Variants in SNX29 observed in about 807,000 individuals in gnomAD.
SNX29 encodes sorting nexin-29.
SNX29 carries 78 observed loss-of-function variants against 102.1 expected under a neutral mutation model. That is an observed-to-expected ratio of 0.76 (90% CI 0.64 to 0.92). SNX29 has a LOEUF of 0.92. Ranked by LOEUF, SNX29 falls within the 40% of genes least tolerant of loss-of-function variation. The probability of loss-of-function intolerance (pLI) is 0.00; values close to 1 mark genes in which losing one functional copy is unlikely to be tolerated. For missense variants in SNX29, 1,280 were observed against 1,061.7 expected, an observed-to-expected ratio of 1.21 and a Z score of -2.86; for synonymous variants, 580 against 414.5, an observed-to-expected ratio of 1.40 and a Z score of -4.85.
intron 7 of SNX29, among the ~76,000 whole-genome samples, chr16:12,051,188 G>C (rs1348768410): frequency 6.6e-6 from 1 of 152,088 alleles, no homozygotes; most frequent in Non-Finnish European, 1.5e-5. Context: ...AATTAGCTGG[G>C]TGTTGTGGCA....
At chr16:11,977,138 A>C (rs944567507) in intron 1 of SNX29, 9 of 323,806 alleles carry the variant, frequency 2.8e-5, no homozygotes, top group Admixed American at 4.9e-5. Flanking sequence ...GAGACCTCCC[A>C]GGTCTCAGTC....
intron 4 of SNX29, among the ~76,000 whole-genome samples, chr16:12,037,998 AAAAC>A (rs1211620250): frequency 2.7e-5 from 4 of 150,196 alleles, no homozygotes; most frequent in East Asian, 3.9e-4. Flanking sequence ...CAAAACAAAA[AAAAC>A]CCCAAACAAG....
At chr16:12,280,130 A>G (rs910430800) in intron 15 of SNX29, among the ~76,000 whole-genome samples, 1 of 152,130 alleles carries the variant, frequency 6.6e-6, no homozygotes, top group South Asian at 2.1e-4. Context: ...GGGTGGTTGG[A>G]TGATTTATTT....
chr16:12,395,527 A>G (rs76628008), intron 16 of SNX29, among the ~76,000 whole-genome samples: 1,675 of 152,308 alleles, frequency 0.011, 40 homozygotes, highest in African/African-American at 0.038. Flanking sequence ...CTTTCCTTGC[A>G]CCTGAAGACT....
At chr16:12,046,101 C>G (rs564062861) in intron 5 of SNX29, among the ~76,000 whole-genome samples, 3 of 152,328 alleles carry the variant, frequency 2.0e-5, no homozygotes, top group East Asian at 3.9e-4. Context: ...TGACAGCTCC[C>G]TTCTACTTTG....
chr16:12,049,843 C>T (rs1596695701), intron 7 of SNX29, among the ~76,000 whole-genome samples: 2 of 152,128 alleles, frequency 1.3e-5, no homozygotes, highest in East Asian at 3.9e-4. Flanking sequence ...TCTTGAACTC[C>T]TGGCCTCAAG....
chr16:11,997,979 A>G (rs2056149879), intron 1 of SNX29, among the ~76,000 whole-genome samples: 2 of 152,224 alleles, frequency 1.3e-5, no homozygotes, highest in Non-Finnish European at 2.9e-5. Context: ...GTGAATGTGA[A>G]GATGAAGGGA....
chr16:12,546,842 G>C (rs905033207), intron 20 of SNX29, among the ~76,000 whole-genome samples: 1 of 152,198 alleles, frequency 6.6e-6, no homozygotes, highest in African/African-American at 2.4e-5. Context: ...AAGGGATTAA[G>C]ATTATACAGT....
At chr16:12,541,433 C>T (rs571986990) in intron 20 of SNX29, among the ~76,000 whole-genome samples, 5 of 152,280 alleles carry the variant, frequency 3.3e-5, no homozygotes, top group South Asian at 2.1e-4. Flanking sequence ...GGAAGGTCAT[C>T]AATGTCTCAA....
intron 18 of SNX29, among the ~76,000 whole-genome samples, chr16:12,411,369 T>C (rs2084392061): frequency 1.3e-5 from 2 of 152,216 alleles, no homozygotes; most frequent in South Asian, 2.1e-4. Context: ...TTGAGAGCTT[T>C]CCACCCCGGC....
chr16:12,282,618 T>C (rs1184901314), intron 15 of SNX29, among the ~76,000 whole-genome samples: 5 of 152,176 alleles, frequency 3.3e-5, no homozygotes, highest in Non-Finnish European at 7.4e-5. Flanking sequence ...GAACCTCAGA[T>C]TGGGAGTGAA....
Position 12,054,920 on chromosome 16 carries a change from G to A in SNX29, c.1124+2698G>A, listed in dbSNP as rs182250444. ...TTTGTTTTTGCTTTTTGTTATCAGC[G>A]GATCTCAAATGAATATTTTCACACG... On this transcript the variant is annotated intron_variant, in intron 8 of 20. Coordinates refer to ENST00000566228, the MANE Select transcript of SNX29 (RefSeq NM_032167.5). Among the ~76,000 whole-genome samples the A allele has an allele frequency of 3.3e-5, 5 of 152,202 alleles. No homozygotes were observed. In the East Asian group the frequency reaches 5.8e-4, roughly 18 times the overall value.
chr16:12,410,126 C>G (rs1318821191), intron 18 of SNX29, among the ~76,000 whole-genome samples: 1 of 151,936 alleles, frequency 6.6e-6, no homozygotes, highest in African/African-American at 2.4e-5. Context: ...TCCTGAGTAG[C>G]TGGGAGTACA....
At chr16:12,240,854 C>T (rs1037426496) in intron 14 of SNX29, among the ~76,000 whole-genome samples, 23 of 152,092 alleles carry the variant, frequency 1.5e-4, no homozygotes, top group Non-Finnish European at 3.4e-4. Flanking sequence ...GATCCACCCA[C>T]CTTGGCCTGT....
intron 19 of SNX29, among the ~76,000 whole-genome samples, chr16:12,503,221 T>TA (rs1230820822): frequency 1.3e-5 from 2 of 152,172 alleles, no homozygotes; most frequent in East Asian, 3.9e-4. Flanking sequence ...CGTCCTCCTT[T>TA]TCCTTCCCTG....
At chr16:12,481,144 G>T (rs1215044468) in intron 19 of SNX29, among the ~76,000 whole-genome samples, 1 of 152,094 alleles carries the variant, frequency 6.6e-6, no homozygotes, top group African/African-American at 2.4e-5. Flanking sequence ...TTTGCAAATA[G>T]ACAAGCTTGA....
intron 20 of SNX29, among the ~76,000 whole-genome samples, chr16:12,539,240 C>T (rs1352878559): frequency 6.6e-6 from 1 of 152,204 alleles, no homozygotes. Context: ...TTCCTTCACC[C>T]TAAAAAGCTG....
At chr16:12,299,439 G>C (rs568725033) in intron 15 of SNX29, among the ~76,000 whole-genome samples, 7 of 152,190 alleles carry the variant, frequency 4.6e-5, no homozygotes, top group African/African-American at 1.7e-4. Context: ...GAGTCCTCAA[G>C]AGTAGTTTTT....
At chr16:12,197,587 A>G (rs1374607007) in intron 13 of SNX29, among the ~76,000 whole-genome samples, 1 of 152,180 alleles carries the variant, frequency 6.6e-6, no homozygotes, top group Non-Finnish European at 1.5e-5. Flanking sequence ...AAAAGAAACA[A>G]AAAAACACAT....
Sources: allele counts gnomAD v4.1 joint callset (sites outside exome capture counted in the v4.1 genomes callset), GRCh38; gene constraint gnomAD v4.1.1; transcripts MANE v1.5; gene names NCBI Gene and HGNC (gene_info 2026-07-23, HGNC 2026-07-21).